Variants in CARMIL1 observed in about 807,000 individuals in gnomAD.
The protein encoded by CARMIL1 is capping protein regulator and myosin 1 linker 1.
A neutral mutation model predicts 177.1 loss-of-function variants in CARMIL1; 90 were observed. The observed-to-expected ratio is 0.51, with a 90% CI of 0.43 to 0.61. The LOEUF is 0.61. Among genes scored for constraint, CARMIL1 ranks in the 20% least tolerant of loss-of-function variants. The pLI is 0.00. For missense variants in CARMIL1, 1,380 were observed against 1,667.0 expected (o/e 0.83, Z 3.00); for synonymous variants, 577 against 606.2 (o/e 0.95, Z 0.71).
At chr6:25,564,049 G>C (rs1414920846) in intron 29 of CARMIL1, 1 of 204,844 alleles carries the variant, frequency 4.9e-6, no homozygotes, top group African/African-American at 2.4e-5. Context: ...GTATCCATAA[G>C]TATCATATTA....
At chr6:25,566,756 A>C (rs567266027) in intron 29 of CARMIL1, among the ~76,000 whole-genome samples, 1 of 152,350 alleles carries the variant, frequency 6.6e-6, no homozygotes, top group South Asian at 2.1e-4. Context: ...AATTACTTGC[A>C]TGGGTTTTCT....
chr6:25,361,713 A>T (rs1403140606), intron 2 of CARMIL1, among the ~76,000 whole-genome samples: 1 of 152,170 alleles, frequency 6.6e-6, no homozygotes, highest in South Asian at 2.1e-4. Context: ...TTGCATTTGG[A>T]GGTGGGGCCT....
intron 2 of CARMIL1, among the ~76,000 whole-genome samples, chr6:25,302,756 C>T (rs182121937): frequency 3.3e-5 from 5 of 152,286 alleles, no homozygotes; most frequent in Admixed American, 1.3e-4. Flanking sequence ...TGCAAACAGC[C>T]GCCCATCTCA....
intron 2 of CARMIL1, among the ~76,000 whole-genome samples, chr6:25,332,773 G>T (rs2744304): frequency 1.9e-5 from 2 of 104,374 alleles, no homozygotes; most frequent in South Asian, 3.3e-4. Flanking sequence ...ACACACACAC[G>T]CGCACACACA....
intron 31 of CARMIL1, among the ~76,000 whole-genome samples, chr6:25,586,200 G>A (rs1283908460): frequency 6.6e-6 from 1 of 151,352 alleles, no homozygotes; most frequent in African/African-American, 2.5e-5. Flanking sequence ...TTCCCGGACG[G>A]GGTGGCTGCC....
intron 2 of CARMIL1, among the ~76,000 whole-genome samples, chr6:25,309,804 C>T (rs1783632857): frequency 7.5e-6 from 1 of 132,980 alleles, no homozygotes. Flanking sequence ...GAATCTTGCT[C>T]TGTTGCCCAG....
chr6:25,439,838 TAAA>T (rs1016851985), intron 5 of CARMIL1, among the ~76,000 whole-genome samples: 2 of 152,114 alleles, frequency 1.3e-5, no homozygotes, highest in African/African-American at 4.8e-5. Context: ...TGTTTGTGTT[TAAA>T]ATGGGAGATA....
chr6:25,532,161 G>A (rs546444641), intron 24 of CARMIL1, among the ~76,000 whole-genome samples: 5 of 150,590 alleles, frequency 3.3e-5, no homozygotes, highest in Non-Finnish European at 5.9e-5. Flanking sequence ...GTGCAATGGC[G>A]CAACCCTGGC....
At chr6:25,447,728 C>T (rs898673483) in intron 5 of CARMIL1, among the ~76,000 whole-genome samples, 4 of 152,076 alleles carry the variant, frequency 2.6e-5, no homozygotes. Context: ...AGCCCTCCCC[C>T]TCTGACTACA....
intron 32 of CARMIL1, among the ~76,000 whole-genome samples, chr6:25,597,633 TGA>T (rs1371240985): frequency 6.6e-6 from 1 of 152,198 alleles, no homozygotes; most frequent in Non-Finnish European, 1.5e-5. Flanking sequence ...AGCTCCAGTG[TGA>T]CCTCTAGGCC....
intron 2 of CARMIL1, among the ~76,000 whole-genome samples, chr6:25,355,136 C>T (rs561307935): frequency 1.3e-5 from 2 of 152,200 alleles, no homozygotes; most frequent in South Asian, 2.1e-4. Flanking sequence ...CTGGGACCCC[C>T]AAGCCCTTTG....
chr6:25,376,901 GAA>G (rs1316971087), intron 2 of CARMIL1, among the ~76,000 whole-genome samples: 1 of 152,138 alleles, frequency 6.6e-6, no homozygotes. Flanking sequence ...CTTTTCAAGG[GAA>G]AGGGAAGAAG....
intron 2 of CARMIL1, among the ~76,000 whole-genome samples, chr6:25,330,287 C>T (rs751711676): frequency 6.6e-5 from 10 of 152,004 alleles, no homozygotes; most frequent in East Asian, 1.9e-4. Flanking sequence ...CCTTAAGGCC[C>T]GGATGAGCTG....
At chr6:25,608,430 C>T (rs1816191525) in intron 35 of CARMIL1, among the ~76,000 whole-genome samples, 2 of 152,098 alleles carry the variant, frequency 1.3e-5, no homozygotes, top group Admixed American at 6.5e-5. Context: ...AGTACTATCC[C>T]GGTTTCAGGC....
chr6:25,306,504 C>A (rs4712905), intron 2 of CARMIL1, among the ~76,000 whole-genome samples: 27,358 of 152,062 alleles, frequency 0.18, 3,529 homozygotes, highest in East Asian at 0.39. Flanking sequence ...TCCTCCCCCC[C>A]ACTTTTATTG....
intron 12 of CARMIL1, among the ~76,000 whole-genome samples, chr6:25,483,521 C>G (rs1005581289): frequency 1.3e-5 from 2 of 151,870 alleles, no homozygotes; most frequent in East Asian, 3.9e-4. Flanking sequence ...CCACCAGTAC[C>G]GGCACCACCA....
At chr6:25,377,299 G>A (rs987804930) in intron 2 of CARMIL1, among the ~76,000 whole-genome samples, 14 of 152,196 alleles carry the variant, frequency 9.2e-5, no homozygotes, top group Non-Finnish European at 1.8e-4. Context: ...GCCAAGCATT[G>A]CAACTGTGCC....
At position 25,539,625 on chromosome 6, in the gene CARMIL1, C is replaced by CAAAAAA. The variant is rs11304932; in HGVS notation, c.2197-300_2197-295dup. ...GGGCAACAAGAGCGAAACTCCATCT[C>CAAAAAA]AAAAAAAAAAAAAAAAAAAAAAAAA... is the stretch of plus-strand genomic sequence containing the variant. On this transcript the variant is annotated intron_variant, in intron 25 of 36. Transcript: ENST00000329474. 7.2e-5 allele frequency among the ~76,000 whole-genome samples: 4 copies of CAAAAAA among 55,738 alleles called. 1 individual carries two copies. Among genetic ancestry groups the CAAAAAA allele is most frequent in the Admixed American group, 2.7e-4 (1 of 3,692 alleles). The allele number at this position is 55,738 out of a possible 152,430, so 36.6% of individuals were successfully genotyped here. A position where few individuals can be genotyped will look rare whatever the true frequency, so the allele number is the denominator to read the frequency against.
At chr6:25,293,676 T>A (rs189753515) in intron 2 of CARMIL1, among the ~76,000 whole-genome samples, 1 of 151,938 alleles carries the variant, frequency 6.6e-6, no homozygotes, top group Non-Finnish European at 1.5e-5. Context: ...GGTCTTCCCT[T>A]CCCTTCCTCT....
Sources: allele counts gnomAD v4.1 joint callset (sites outside exome capture counted in the v4.1 genomes callset), GRCh38; gene constraint gnomAD v4.1.1; transcripts MANE v1.5; gene names NCBI Gene and HGNC (gene_info 2026-07-23, HGNC 2026-07-21).